CYP39A1: variants seen among roughly 807,000 people sequenced by gnomAD.
CYP39A1 encodes the protein cytochrome P450 family 39 subfamily A member 1.
Under a neutral mutation model 58.1 loss-of-function variants are expected in CYP39A1, and 49 were observed. The ratio of observed to expected loss-of-function variants is 0.84; its 90% CI spans 0.67 to 1.07. The LOEUF (loss-of-function observed/expected upper bound fraction) is 1.07, where lower values mean the gene tolerates loss of function less well. Ranked by LOEUF, CYP39A1 falls within the 50% of genes least tolerant of loss-of-function variation. CYP39A1 has a pLI of 0.00. For missense variants in CYP39A1, 531 were observed against 539.4 expected (o/e 0.98, Z 0.16); for synonymous variants, 209 against 187.6 (o/e 1.11, Z -0.93).
At chr6:46,591,780 T>C (rs1462433764) in intron 8 of CYP39A1, among the ~76,000 whole-genome samples, 1 of 152,136 alleles carries the variant, frequency 6.6e-6, no homozygotes, top group African/African-American at 2.4e-5. Flanking sequence ...CATATTAATT[T>C]CTTCCCTTTA....
At chr6:46,560,950 C>T (rs1770940853) in intron 10 of CYP39A1, among the ~76,000 whole-genome samples, 1 of 152,004 alleles carries the variant, frequency 6.6e-6, no homozygotes, top group Non-Finnish European at 1.5e-5. Context: ...TGTGAGCCAG[C>T]CTATCAAATG....
chr6:46,594,300 T>TA (rs1233824026), intron 8 of CYP39A1, among the ~76,000 whole-genome samples: 3 of 152,104 alleles, frequency 2.0e-5, no homozygotes, highest in African/African-American at 7.2e-5. Context: ...TAATATATGC[T>TA]ATCAAAATTC....
intron 5 of CYP39A1, among the ~76,000 whole-genome samples, chr6:46,634,757 G>A (rs1775876511): frequency 6.6e-6 from 1 of 152,036 alleles, no homozygotes; most frequent in African/African-American, 2.4e-5. Flanking sequence ...TCTGACCTTA[G>A]GTGATCCACC....
intron 6 of CYP39A1, among the ~76,000 whole-genome samples, chr6:46,628,315 G>A (rs912362184): frequency 3.9e-5 from 6 of 152,184 alleles, no homozygotes; most frequent in Admixed American, 3.3e-4. Flanking sequence ...GACAGTGAGA[G>A]AGCAAACACA....
chr6:46,587,672 T>A (rs1296839106), intron 9 of CYP39A1, among the ~76,000 whole-genome samples: 1 of 152,186 alleles, frequency 6.6e-6, no homozygotes, highest in Non-Finnish European at 1.5e-5. Context: ...ACGGTTTTAA[T>A]TTGCTTTATT....
chr6:46,642,224 C>T lies in CYP39A1; in HGVS notation c.252G>A (p.Val84=), dbSNP rs1190815562. The T allele has an allele frequency of 7.4e-6, 12 of 1,612,664 alleles. No homozygotes were observed. Among genetic ancestry groups the T allele is most frequent in the Non-Finnish European group, 9.3e-6 (11 of 1,179,258 alleles). ...AATCTACTTTTTTGGATTTTAGAAA[C>T]ACATTAATTCCTTCTTCTTCAGTAA... ...TFVTEEEGIN[V]FLKSKKVDFE... is the part of the protein sequence containing the mutation. The change falls in exon 2 of 12, where the codon GTG becomes GTA. Residue 84 remains valine (V), a synonymous_variant. Coordinates refer to ENST00000275016, the MANE Select transcript of CYP39A1 (RefSeq NM_016593.5).
intron 10 of CYP39A1, among the ~76,000 whole-genome samples, chr6:46,558,076 C>T (rs529041604): frequency 6.7e-6 from 1 of 149,150 alleles, no homozygotes; most frequent in Admixed American, 6.6e-5. Flanking sequence ...GAACAACAAA[C>T]ATTAAAAGTT....
chr6:46,606,055 T>C (rs988652422), intron 7 of CYP39A1, among the ~76,000 whole-genome samples: 5 of 152,176 alleles, frequency 3.3e-5, no homozygotes, highest in Non-Finnish European at 5.9e-5. Context: ...ACATATTGCA[T>C]AATTCTGGTC....
chr6:46,618,166 C>A (rs1424017713), intron 7 of CYP39A1, among the ~76,000 whole-genome samples: 1 of 152,052 alleles, frequency 6.6e-6, no homozygotes, highest in African/African-American at 2.4e-5. Context: ...TACGATTTGC[C>A]AGGTACTACG....
chr6:46,580,879 G>T (rs1017551789), intron 10 of CYP39A1, among the ~76,000 whole-genome samples: 6 of 152,124 alleles, frequency 3.9e-5, no homozygotes, highest in African/African-American at 1.4e-4. Context: ...GGAGAAAAGG[G>T]AATGCTTATA....
At chr6:46,550,616 GGC>G (rs1770341507) in intron 11 of CYP39A1, among the ~76,000 whole-genome samples, 179 bp from the exon 12 acceptor site, 1 of 152,094 alleles carries the variant, frequency 6.6e-6, no homozygotes, top group South Asian at 2.1e-4. Flanking sequence ...CTTCCATTCA[GGC>G]AGAAGAAAAA....
At chr6:46,555,958 A>G (rs1275326933) in intron 10 of CYP39A1, among the ~76,000 whole-genome samples, 2 of 152,232 alleles carry the variant, frequency 1.3e-5, no homozygotes, top group Non-Finnish European at 2.9e-5. Context: ...ATCCATGTCT[A>G]TGAAATAGGA....
At chr6:46,559,463 C>A (rs1241230105) in intron 10 of CYP39A1, among the ~76,000 whole-genome samples, 1 of 152,114 alleles carries the variant, frequency 6.6e-6, no homozygotes, top group Non-Finnish European at 1.5e-5. Context: ...ATTTTATGTA[C>A]AATTTTAATA....
chr6:46,566,163 C>A (rs887324359), intron 10 of CYP39A1, among the ~76,000 whole-genome samples: 1 of 152,158 alleles, frequency 6.6e-6, no homozygotes, highest in African/African-American at 2.4e-5. Flanking sequence ...TTCCTGACTG[C>A]AGCCAGGATT....
chr6:46,579,773 A>T (rs1772022504), intron 10 of CYP39A1, among the ~76,000 whole-genome samples: 1 of 152,098 alleles, frequency 6.6e-6, no homozygotes, highest in African/African-American at 2.4e-5. Flanking sequence ...ACCCACATAA[A>T]ATACCTAGGA....
At chr6:46,562,993 T>C (rs562129672) in intron 10 of CYP39A1, among the ~76,000 whole-genome samples, 1 of 152,104 alleles carries the variant, frequency 6.6e-6, no homozygotes, top group East Asian at 1.9e-4. Context: ...AGTATTGATA[T>C]TTATATTACA....
At chr6:46,562,493 C>T (rs1218360307) in intron 10 of CYP39A1, among the ~76,000 whole-genome samples, 1 of 151,912 alleles carries the variant, frequency 6.6e-6, no homozygotes, top group Non-Finnish European at 1.5e-5. Context: ...AAAGGCCAGG[C>T]ATGGTGGCTC....
At chr6:46,603,100 T>C (rs1490983199) in intron 7 of CYP39A1, among the ~76,000 whole-genome samples, 1 of 152,178 alleles carries the variant, frequency 6.6e-6, no homozygotes, top group African/African-American at 2.4e-5. Flanking sequence ...CTATTCTCCT[T>C]CTCCCCTGTA....
At position 46,643,920 on chromosome 6, in the gene CYP39A1, T is replaced by G. The variant is rs563080773; in HGVS notation, c.178-1622A>C. On this transcript the variant is annotated intron_variant, in intron 1 of 11. Coordinates refer to ENST00000275016, the MANE Select transcript of CYP39A1 (RefSeq NM_016593.5). ...TATATTTTTTAACTAAACTTTTTATTTAGAGATAATTGTAGATTATCATGC... is the reference window on the plus strand; with the variant it reads ...TATATTTTTTAACTAAACTTTTTATGTAGAGATAATTGTAGATTATCATGC... Among the ~76,000 whole-genome samples the G allele has an allele frequency of 1.8e-4, 28 of 152,302 alleles. No homozygotes were observed. In the South Asian group the frequency reaches 5.8e-3, roughly 32 times the overall value.
Sources: allele counts gnomAD v4.1 joint callset (sites outside exome capture counted in the v4.1 genomes callset), GRCh38; gene constraint gnomAD v4.1.1; transcripts MANE v1.5; gene names NCBI Gene and HGNC (gene_info 2026-07-23, HGNC 2026-07-21).